Variants in LRRTM4 observed in about 807,000 individuals in gnomAD.
LRRTM4 encodes leucine-rich repeat transmembrane neuronal protein 4.
In LRRTM4, 25 loss-of-function variants were observed where a neutral mutation model predicts 47.6. The observed-to-expected ratio is 0.53, with a 90% CI of 0.38 to 0.73. The LOEUF is 0.73. LRRTM4 is among the 30% of genes least tolerant of loss of function. The pLI is 0.00. For missense variants in LRRTM4, 638 were observed against 713.4 expected, an observed-to-expected ratio of 0.89 and a Z score of 1.20; for synonymous variants, 311 against 269.5, an observed-to-expected ratio of 1.15 and a Z score of -1.51.
intron 3 of LRRTM4, among the ~76,000 whole-genome samples, chr2:76,880,308 C>A (rs1461431761): frequency 1.3e-5 from 2 of 152,192 alleles, no homozygotes; most frequent in African/African-American, 2.4e-5. Flanking sequence ...CGAACTTCAG[C>A]AACCACCACT....
intron 3 of LRRTM4, among the ~76,000 whole-genome samples, chr2:76,980,757 G>C (rs974041861): frequency 6.6e-6 from 1 of 152,048 alleles, no homozygotes; most frequent in Non-Finnish European, 1.5e-5. Context: ...TCTAGTGTTT[G>C]AAACTTAGAT....
At chr2:77,111,479 C>G (rs373010021) in intron 3 of LRRTM4, among the ~76,000 whole-genome samples, 29 of 152,036 alleles carry the variant, frequency 1.9e-4, no homozygotes, top group South Asian at 1.2e-3. Context: ...TTACCCAGGT[C>G]AACCAAAGTG....
At chr2:76,976,741 G>A (rs898861312) in intron 3 of LRRTM4, among the ~76,000 whole-genome samples, 1 of 151,800 alleles carries the variant, frequency 6.6e-6, no homozygotes, top group Non-Finnish European at 1.5e-5. Context: ...AGTGACAGCT[G>A]GATGGGAGGA....
chr2:77,027,545 T>A (rs942912846), intron 3 of LRRTM4, among the ~76,000 whole-genome samples: 2 of 152,116 alleles, frequency 1.3e-5, no homozygotes, highest in East Asian at 3.9e-4. Context: ...CCAATCAGTA[T>A]AGAAGCATTT....
chr2:77,141,372 CA>C (rs1414804050), intron 3 of LRRTM4, among the ~76,000 whole-genome samples: 1 of 148,322 alleles, frequency 6.7e-6, no homozygotes, highest in Non-Finnish European at 1.5e-5. Flanking sequence ...ATCACAAGGA[CA>C]AAAAACCAAA....
chr2:76,835,212 C>T (rs1558683807), intron 3 of LRRTM4, among the ~76,000 whole-genome samples: 1 of 151,816 alleles, frequency 6.6e-6, no homozygotes, highest in Admixed American at 6.6e-5. Context: ...TTAAATTGTA[C>T]AGGTTAAGTA....
intron 3 of LRRTM4, among the ~76,000 whole-genome samples, chr2:77,162,543 C>T (rs967004874): frequency 5.9e-5 from 9 of 152,236 alleles, no homozygotes; most frequent in Non-Finnish European, 1.0e-4. Context: ...CCCTGACCCT[C>T]GAGTAGCCTA....
chr2:77,097,879 A>G (rs1325224482), intron 3 of LRRTM4, among the ~76,000 whole-genome samples: 1 of 151,964 alleles, frequency 6.6e-6, no homozygotes, highest in Non-Finnish European at 1.5e-5. Flanking sequence ...CATTAAAGAC[A>G]ATGGTTATTG....
chr2:77,121,367 T>C (rs899005207), intron 3 of LRRTM4, among the ~76,000 whole-genome samples: 2 of 151,764 alleles, frequency 1.3e-5, no homozygotes, highest in Non-Finnish European at 3.0e-5. Context: ...GCATAATAAA[T>C]TACCTCTTCC....
At chr2:77,210,494 C>T (rs973974266) in intron 3 of LRRTM4, among the ~76,000 whole-genome samples, 27 of 152,096 alleles carry the variant, frequency 1.8e-4, no homozygotes, top group Non-Finnish European at 8.8e-5. Flanking sequence ...CAATAATGCA[C>T]ACATCATTTT....
chr2:77,470,758 C>T (rs993382824), intron 3 of LRRTM4, among the ~76,000 whole-genome samples: 3 of 152,080 alleles, frequency 2.0e-5, no homozygotes, highest in East Asian at 3.9e-4. Context: ...TAAAACAGAA[C>T]CCAATATTTT....
intron 3 of LRRTM4, among the ~76,000 whole-genome samples, chr2:77,196,454 C>T (rs1673828891): frequency 6.6e-6 from 1 of 152,154 alleles, no homozygotes; most frequent in Non-Finnish European, 1.5e-5. Flanking sequence ...TAACTTTAGG[C>T]AGTTCACCAT....
At chr2:76,913,983 A>G (rs1674159788) in intron 3 of LRRTM4, among the ~76,000 whole-genome samples, 1 of 152,012 alleles carries the variant, frequency 6.6e-6, no homozygotes, top group Non-Finnish European at 1.5e-5. Flanking sequence ...TCTCTTCAAT[A>G]TTTAAAAAGT....
intron 3 of LRRTM4, among the ~76,000 whole-genome samples, chr2:76,779,862 G>C (rs1441152305): frequency 6.6e-6 from 1 of 152,042 alleles, no homozygotes; most frequent in African/African-American, 2.4e-5. Context: ...AGTCTTGATG[G>C]TCTTTACATT....
intron 3 of LRRTM4, among the ~76,000 whole-genome samples, chr2:77,117,602 A>G (rs561547007): frequency 6.6e-6 from 1 of 152,148 alleles, no homozygotes; most frequent in Non-Finnish European, 1.5e-5. Flanking sequence ...GAAATGACCA[A>G]TAAATAAATA....
intron 3 of LRRTM4, among the ~76,000 whole-genome samples, chr2:76,899,566 G>A (rs1433062033): frequency 3.3e-5 from 5 of 152,014 alleles, no homozygotes; most frequent in African/African-American, 1.2e-4. Flanking sequence ...CTAATGCAAA[G>A]GACCTAATGT....
chr2:76,761,148 G>A (rs764314851), intron 3 of LRRTM4, among the ~76,000 whole-genome samples: 5 of 152,200 alleles, frequency 3.3e-5, no homozygotes, highest in African/African-American at 4.8e-5. Context: ...CCAGCAGGGC[G>A]TACACAGTAT....
At chr2:76,775,305 T>C (rs1412691049) in intron 3 of LRRTM4, among the ~76,000 whole-genome samples, 1 of 152,182 alleles carries the variant, frequency 6.6e-6, no homozygotes, top group Non-Finnish European at 1.5e-5. Context: ...TTGGCAATCC[T>C]TTCTATATAG....
At chr2:77,138,410 T>C (rs1413271821) in intron 3 of LRRTM4, among the ~76,000 whole-genome samples, 1 of 152,170 alleles carries the variant, frequency 6.6e-6, no homozygotes, top group African/African-American at 2.4e-5. Context: ...AATAAAGATG[T>C]TGTTTGAAAC....
Sources: allele counts gnomAD v4.1 joint callset (sites outside exome capture counted in the v4.1 genomes callset), GRCh38; gene constraint gnomAD v4.1.1; transcripts MANE v1.5; gene names NCBI Gene and HGNC (gene_info 2026-07-23, HGNC 2026-07-21).